Variants in KBTBD11 observed in about 807,000 individuals in gnomAD.
KBTBD11 encodes kelch repeat and BTB domain containing 11.
For missense variants in KBTBD11, 1,390 were observed against 1,001.8 expected (o/e 1.39, Z -5.23); for synonymous variants, 747 against 499.0 (o/e 1.50, Z -6.63).
In KBTBD11 at chr8:2,005,692, G is replaced by T. The variant is rs1206940702; in HGVS notation, c.*2628G>T. On this transcript the variant is annotated 3_prime_UTR_variant, in exon 2 of 2. Coordinates refer to ENST00000320248, the MANE Select transcript of KBTBD11 (RefSeq NM_014867.3). ...CCACCCATTAAAATAGTTAGATGAG[G>T]CTATTGCCTTGATGACAGCTGTCCA... The T allele has an allele frequency of 1.2e-5, 2 of 167,062 alleles. No individual in the cohort carries two copies. The highest frequency in any genetic ancestry group is 2.9e-5 in the Non-Finnish European group (2 of 68,122). The allele number at this position is 167,062 out of a possible 1,614,324, so 10.3% of individuals were successfully genotyped here. A position where few individuals can be genotyped will look rare whatever the true frequency, so the allele number is the denominator to read the frequency against.
At chr8:1,998,821 G>A (rs901033905) in intron 1 of KBTBD11, among the ~76,000 whole-genome samples, 30 of 152,356 alleles carry the variant, frequency 2.0e-4, no homozygotes, top group African/African-American at 7.0e-4. Flanking sequence ...AGACTCTGCA[G>A]TCTTCAGGGC....
rs1362066829 is a variant in KBTBD11 at position 2,004,466 on chromosome 8, A to G, written c.*1402A>G. 1 of 166,986 alleles carries G rather than the reference A, an allele frequency of 6.0e-6. No individual in the cohort carries two copies. Among genetic ancestry groups the G allele is most frequent in the Non-Finnish European group, 1.5e-5 (1 of 68,110 alleles). The allele number at this position is 166,986 out of a possible 1,614,324, so 10.3% of individuals were successfully genotyped here. The stretch of plus-strand genomic sequence containing the variant: ...AACGTAACTAGTTGAAATCCTGCCT[A>G]CTTTAATATTATTTGTTTGTTAATC... On this transcript the variant is annotated 3_prime_UTR_variant, in exon 2 of 2. Coordinates refer to ENST00000320248, the MANE Select transcript of KBTBD11 (RefSeq NM_014867.3).
In KBTBD11 at chr8:2,004,664, T is replaced by G. The variant is rs765298090; in HGVS notation, c.*1600T>G. The G allele has an allele frequency of 6.0e-6, 1 of 167,070 alleles. No individual in the cohort carries two copies. The highest frequency in any genetic ancestry group is 1.5e-5 in the Non-Finnish European group (1 of 68,126). The allele number at this position is 167,070 out of a possible 1,614,324, so 10.3% of individuals were successfully genotyped here. On this transcript the variant is annotated 3_prime_UTR_variant, in exon 2 of 2. Coordinates refer to ENST00000320248, the MANE Select transcript of KBTBD11 (RefSeq NM_014867.3). The stretch of plus-strand genomic sequence containing the variant: ...AATTTATGATCTGGGTTACGGTATG[T>G]TCTGGGGACGTGTCTGCTTGCCCAT...
At chr8:1,987,330 G>C (rs1257934457) in intron 1 of KBTBD11, among the ~76,000 whole-genome samples, 2 of 152,128 alleles carry the variant, frequency 1.3e-5, no homozygotes, top group African/African-American at 4.8e-5. Flanking sequence ...GCAGATCTAG[G>C]TCATTTATTT....
At chr8:1,974,205 C>A (rs1269461527) in intron 1 of KBTBD11, 31 of 838,832 alleles carry the variant, frequency 3.7e-5, no homozygotes, top group Admixed American at 6.3e-5. Context: ...TGGGTGGTCT[C>A]CGCTCCGCCT....
At chr8:1,985,680 C>T (rs1175303211) in intron 1 of KBTBD11, among the ~76,000 whole-genome samples, 2 of 152,234 alleles carry the variant, frequency 1.3e-5, no homozygotes, top group Non-Finnish European at 2.9e-5. Context: ...ATATGTTGGC[C>T]AGGTGCATTG....
intron 1 of KBTBD11, among the ~76,000 whole-genome samples, chr8:1,988,766 T>C (rs1816781720): frequency 6.6e-6 from 1 of 152,246 alleles, no homozygotes; most frequent in Non-Finnish European, 1.5e-5. Flanking sequence ...GTCTCATTCC[T>C]TGCTACCATT....
intron 1 of KBTBD11, chr8:1,974,807 C>T (rs1342192973): frequency 7.5e-5 from 36 of 482,664 alleles, no homozygotes; most frequent in East Asian, 1.5e-4. Context: ...CACGTTTCCC[C>T]CTCCACCCAC....
chr8:1,991,137 G>C (rs976292633), intron 1 of KBTBD11, among the ~76,000 whole-genome samples: 1 of 151,780 alleles, frequency 6.6e-6, no homozygotes, highest in African/African-American at 2.4e-5. Flanking sequence ...TAGATGCTGT[G>C]GGGCCTTGGT....
chr8:1,992,367 A>C (rs1432644204), intron 1 of KBTBD11, among the ~76,000 whole-genome samples: 1 of 151,986 alleles, frequency 6.6e-6, no homozygotes. Context: ...CGTCCCCCAG[A>C]TACACTCAGA....
chr8:1,999,810 T>A (rs1283690903), intron 1 of KBTBD11, among the ~76,000 whole-genome samples: 2 of 152,198 alleles, frequency 1.3e-5, no homozygotes, highest in Non-Finnish European at 2.9e-5. Context: ...TGTGAAATAA[T>A]TAACTGGGAA....
intron 1 of KBTBD11, among the ~76,000 whole-genome samples, chr8:1,999,254 C>G (rs768374862): frequency 5.3e-5 from 8 of 152,130 alleles, no homozygotes; most frequent in Non-Finnish European, 7.3e-5. Context: ...GACAGAGGGA[C>G]AGGAAGAGCA....
chr8:1,988,970 G>A (rs1317491651), intron 1 of KBTBD11, among the ~76,000 whole-genome samples: 1 of 151,902 alleles, frequency 6.6e-6, no homozygotes, highest in Non-Finnish European at 1.5e-5. Context: ...CCAGCTGAGC[G>A]TCCTGGTAGG....
Position 2,002,072 on chromosome 8 carries a change from G to A in KBTBD11, c.880G>A (p.Ala294Thr), listed in dbSNP as rs761099217. Residue 294 changes from alanine to threonine, a missense_variant, in exon 2 of 2, where the codon GCC (alanine) becomes ACC (threonine). Transcript: ENST00000320248. The surrounding 1 kb of genome is among the most constrained non-coding windows in gnomAD (Gnocchi z 4.1). ...LLRRRLRAGR[A>T]HLLAAALGPA... ...GCGCCGCCGCCTGCGCGCCGGCCGCGCCCACCTCTTGGCCGCGGCGCTCGG... is the reference window on the plus strand; with the variant it reads ...GCGCCGCCGCCTGCGCGCCGGCCGCACCCACCTCTTGGCCGCGGCGCTCGG... The A allele has an allele frequency of 1.4e-5, 16 of 1,138,388 alleles. No individual in the cohort carries two copies. The highest frequency in any genetic ancestry group is 1.7e-5 in the Non-Finnish European group (16 of 932,070). 70.5% of individuals were successfully genotyped at this position (1,138,388 alleles called of 1,614,324 possible).
At chr8:1,992,058 C>T (rs1006834759) in intron 1 of KBTBD11, among the ~76,000 whole-genome samples, 1 of 152,124 alleles carries the variant, frequency 6.6e-6, no homozygotes, top group African/African-American at 2.4e-5. Flanking sequence ...CCCACCCTCC[C>T]TCTTCTGAAA....
In KBTBD11 at chr8:2,002,874, C is replaced by T. The variant is rs1011941198; in HGVS notation, c.1682C>T (p.Ala561Val). The part of the protein sequence containing the change: ...QPFRCAALDG[A>V]IYCVSRAGTW... Reference sequence around the variant, plus strand: ...TTCCGCTGCGCCGCCCTGGACGGCGCCATCTACTGCGTGAGCCGCGCGGGC... The same window carrying T: ...TTCCGCTGCGCCGCCCTGGACGGCGTCATCTACTGCGTGAGCCGCGCGGGC... The change falls in exon 2 of 2, where the codon GCC (alanine) becomes GTC (valine). Residue 561 changes from alanine to valine, a missense_variant. Coordinates refer to ENST00000320248, the MANE Select transcript of KBTBD11 (RefSeq NM_014867.3). The surrounding 1 kb of genome is among the most constrained non-coding windows in gnomAD (Gnocchi z 4.1). The T allele has an allele frequency of 1.5e-6, 2 of 1,346,356 alleles. No individual in the cohort carries two copies. The highest frequency in any genetic ancestry group is 9.5e-7 in the Non-Finnish European group (1 of 1,055,400). 83.4% of individuals were successfully genotyped at this position (1,346,356 alleles called of 1,614,324 possible). A position where few individuals can be genotyped will look rare whatever the true frequency, so the allele number is the denominator to read the frequency against.
chr8:1,980,594 G>A (rs1219223915), intron 1 of KBTBD11, among the ~76,000 whole-genome samples: 2 of 152,240 alleles, frequency 1.3e-5, no homozygotes, highest in Admixed American at 6.5e-5. Flanking sequence ...GGCAGCTTCC[G>A]TGGGGGATGC....
chr8:1,974,207 G>T (rs1816235674), intron 1 of KBTBD11: 1 of 842,040 alleles, frequency 1.2e-6, no homozygotes, highest in Non-Finnish European at 1.4e-6. Flanking sequence ...GGTGGTCTCC[G>T]CTCCGCCTCC....
rs1322542818 is a variant in KBTBD11, at chr8:1,998,409, C to G, written c.-908-1876C>G. Among the ~76,000 whole-genome samples, 4 of 152,298 alleles carry G rather than the reference C, an allele frequency of 2.6e-5. No individual in the cohort carries two copies. The East Asian group carries it at 5.8e-4, about 22-fold the overall frequency. ...TATACTTATCAAACACTCTTTCAGG[C>G]TTTGAACTGATTTCATAGGACTTTG... On this transcript the variant is annotated intron_variant, in intron 1 of 1. Coordinates refer to ENST00000320248, the MANE Select transcript of KBTBD11 (RefSeq NM_014867.3).
Sources: gnomAD v4.1 joint callset for allele counts (sites outside exome capture counted in the v4.1 genomes callset) on GRCh38, gnomAD v4.1.1 for gene constraint, Gnocchi (gnomAD v3.1) non-coding constraint, MANE v1.5 for transcripts, NCBI Gene and HGNC (gene_info 2026-07-23, HGNC 2026-07-21) for gene names.